The following DOCK3 variants were observed in gnomAD, a reference collection of about 807,000 sequenced individuals.
DOCK3 encodes the protein dedicator of cytokinesis protein 3.
A neutral mutation model predicts 265.6 loss-of-function variants in DOCK3; 60 were observed. The ratio of observed to expected loss-of-function variants is 0.23; its 90% CI spans 0.18 to 0.28. The LOEUF is 0.28. Among genes scored for constraint, DOCK3 ranks in the 10% least tolerant of loss-of-function variants. DOCK3 has a pLI of 1.00. For synonymous variants in DOCK3, 881 were observed against 938.0 expected (o/e 0.94, Z 1.11); for missense variants, 1,981 against 2,594.3 (o/e 0.76, Z 5.14).
intron 21 of DOCK3, 131 bp from the exon 22 acceptor site, chr3:51,246,595 T>C (rs114740115): frequency 0.024 from 18,623 of 792,430 alleles, 322 homozygotes; most frequent in Non-Finnish European, 0.03. Flanking sequence ...AAAGCTGTAA[T>C]GGATCTATCA....
At chr3:50,976,629 G>T (rs2077461279) in intron 5 of DOCK3, among the ~76,000 whole-genome samples, 2 of 151,788 alleles carry the variant, frequency 1.3e-5, no homozygotes, top group East Asian at 2.0e-4. Context: ...GTTGATTTGG[G>T]GTGGAGAGTT....
chr3:50,861,870 T>A lies in DOCK3; in HGVS notation c.162+20155T>A, dbSNP rs116779882. 3.4e-3 allele frequency among the ~76,000 whole-genome samples: 522 copies of A among 151,528 alleles called. 4 individuals are homozygous for A. Among genetic ancestry groups the A allele is most frequent in the African/African-American group, 0.012 (502 of 41,360 alleles). On this transcript the variant is annotated intron_variant, in intron 3 of 52. Coordinates refer to ENST00000266037, the MANE Select transcript of DOCK3 (RefSeq NM_004947.5). Reference sequence around the variant, plus strand: ...GGTTGGGTCGTTTTTTTTTTTTTTTTAAATACAAATTGCCACTCTGTGTCT... The same window carrying A: ...GGTTGGGTCGTTTTTTTTTTTTTTTAAAATACAAATTGCCACTCTGTGTCT...
rs369702617 is a variant in DOCK3 at position 51,075,426 on chromosome 3, G to C, written c.535G>C (p.Asp179His). 1.9e-6 allele frequency: 3 copies of C among 1,608,760 alleles called. No homozygotes were observed. The highest frequency in any genetic ancestry group is 2.5e-6 in the Non-Finnish European group (3 of 1,177,648). The part of the protein sequence containing the change: ...VVDSDQISVS[D>H]LYKMHLSSRQ... ...GGACTCGGACCAGATTAGTGTCTCA[G>C]ATCTCTATAAGATGGTAAGAAATCT... The change falls in exon 7 of 53, where the codon GAT (aspartate) becomes CAT (histidine). Residue 179 changes from aspartate (D) to histidine (H), a missense_variant. Asp to His is a moderately conservative substitution (Grantham distance 81, BLOSUM62 -1). Coordinates refer to ENST00000266037, the MANE Select transcript of DOCK3 (RefSeq NM_004947.5).
At chr3:51,134,145 G>T (rs2084688463) in intron 9 of DOCK3, among the ~76,000 whole-genome samples, 2 of 152,136 alleles carry the variant, frequency 1.3e-5, no homozygotes, top group South Asian at 2.1e-4. Context: ...AGTCCATGGT[G>T]TGTATATACC....
chr3:51,090,179 TATAAAAAATAACTAAA>T, intron 8 of DOCK3, 35 bp from the exon 9 acceptor site: 1 of 1,492,304 alleles, frequency 6.7e-7, no homozygotes, highest in Non-Finnish European at 9.0e-7. Context: ...TAATGATCAA[TATAAAAAATAACTAAA>T]ATAAAAATCA....
intron 38 of DOCK3, 106 bp from the exon 39 acceptor site, chr3:51,348,746 G>T: frequency 8.9e-7 from 1 of 1,120,072 alleles, no homozygotes; most frequent in Non-Finnish European, 1.3e-6. Context: ...CACATGAGTT[G>T]GAGCTGGCGG....
chr3:51,091,696 A>AG (rs2082645692), intron 9 of DOCK3, among the ~76,000 whole-genome samples: 1 of 151,478 alleles, frequency 6.6e-6, no homozygotes, highest in African/African-American at 2.4e-5. Flanking sequence ...AAAAAAAAAA[A>AG]AAAAAAGATG....
intron 5 of DOCK3, among the ~76,000 whole-genome samples, chr3:51,030,350 G>A (rs548070723): frequency 3.9e-5 from 6 of 152,194 alleles, no homozygotes; most frequent in African/African-American, 9.6e-5. Context: ...CAGATATCAC[G>A]TATGAAAAAT....
At chr3:50,894,160 C>T (rs2048783291) in intron 4 of DOCK3, among the ~76,000 whole-genome samples, 1 of 151,824 alleles carries the variant, frequency 6.6e-6, no homozygotes. Flanking sequence ...GAAATCCATG[C>T]TGAGATGCAT....
intron 6 of DOCK3, among the ~76,000 whole-genome samples, chr3:51,065,682 T>C (rs531592480): frequency 1.3e-5 from 2 of 152,294 alleles, no homozygotes; most frequent in African/African-American, 4.8e-5. Context: ...GAACTGGGAC[T>C]TTCTTGCAAA....
chr3:51,203,287 A>T (rs1386567511), intron 12 of DOCK3, among the ~76,000 whole-genome samples: 1 of 152,204 alleles, frequency 6.6e-6, no homozygotes, highest in Non-Finnish European at 1.5e-5. Context: ...TCAGCCCAAA[A>T]TCTCCTTAAG....
chr3:51,158,395 A>G (rs1371033920), intron 10 of DOCK3, among the ~76,000 whole-genome samples: 1 of 152,116 alleles, frequency 6.6e-6, no homozygotes, highest in African/African-American at 2.4e-5. Flanking sequence ...ATAATTTTAA[A>G]AATAGCTGGG....
In DOCK3 at chr3:50,787,813, T is replaced by C. The variant is rs2042262420; in HGVS notation, c.121+9055T>C. 7 of 1,124,656 alleles carry C rather than the reference T, an allele frequency of 6.2e-6. No individual in the cohort carries two copies. In the South Asian group the frequency reaches 7.4e-5, roughly 12 times the overall value. 69.7% of individuals were successfully genotyped at this position (1,124,656 alleles called of 1,614,324 possible). Reference sequence around the variant, plus strand: ...ATTGCTGTTATCTGTGGCCCCTTCCTCTCTCTCTTCCTCCTCATTGTTTAA... The same window carrying C: ...ATTGCTGTTATCTGTGGCCCCTTCCCCTCTCTCTTCCTCCTCATTGTTTAA... On this transcript the variant is annotated intron_variant, in intron 2 of 52. Transcript: ENST00000266037.
At chr3:51,282,613 A>G (rs989423909) in intron 27 of DOCK3, among the ~76,000 whole-genome samples, 1 of 150,152 alleles carries the variant, frequency 6.7e-6, no homozygotes, top group Non-Finnish European at 1.5e-5. Flanking sequence ...AGATTGCGCC[A>G]TTGCACTCCT....
intron 1 of DOCK3, among the ~76,000 whole-genome samples, chr3:50,728,414 T>C (rs1319719359): frequency 1.3e-5 from 2 of 152,058 alleles, no homozygotes; most frequent in Non-Finnish European, 2.9e-5. Flanking sequence ...AATAGAATGG[T>C]ATGTTAAACC....
intron 5 of DOCK3, among the ~76,000 whole-genome samples, chr3:50,989,151 G>T (rs1383408225): frequency 6.6e-6 from 1 of 152,102 alleles, no homozygotes; most frequent in Non-Finnish European, 1.5e-5. Flanking sequence ...CCCCTGGCTT[G>T]GGCCCACAGC....
chr3:51,026,368 A>G (rs1364894306), intron 5 of DOCK3, among the ~76,000 whole-genome samples: 1 of 151,626 alleles, frequency 6.6e-6, no homozygotes, highest in Admixed American at 6.6e-5. Context: ...CTGCAGCTGA[A>G]TTTGGTTTGC....
chr3:50,768,054 T>C (rs2041017783), intron 1 of DOCK3, among the ~76,000 whole-genome samples: 1 of 152,220 alleles, frequency 6.6e-6, no homozygotes, highest in Non-Finnish European at 1.5e-5. Flanking sequence ...AATCATGCCG[T>C]CTGCAAACAG....
At chr3:51,124,872 G>A (rs1194306653) in intron 9 of DOCK3, among the ~76,000 whole-genome samples, 5 of 151,514 alleles carry the variant, frequency 3.3e-5, no homozygotes, top group Admixed American at 2.6e-4. Flanking sequence ...GCTCATGCCT[G>A]TAATCCCAGC....
Sources: allele counts gnomAD v4.1 joint callset (sites outside exome capture counted in the v4.1 genomes callset), GRCh38; gene constraint gnomAD v4.1.1; transcripts MANE v1.5; gene names NCBI Gene and HGNC (gene_info 2026-07-23, HGNC 2026-07-21).